FBXL4: variants seen among roughly 807,000 people sequenced by gnomAD.
FBXL4 encodes the protein F-box and leucine rich repeat protein 4, also known as F-box/LRR-repeat protein 4.
In FBXL4, 40 loss-of-function variants were observed where a neutral mutation model predicts 58.9. That is an observed-to-expected ratio of 0.68 (90% CI 0.53 to 0.88). FBXL4 has a LOEUF of 0.88. FBXL4 is among the 40% of genes least tolerant of loss of function. The pLI is 0.00. For missense variants in FBXL4, 676 were observed against 734.4 expected (o/e 0.92, Z 0.92); for synonymous variants, 263 against 265.5 (o/e 0.99, Z 0.09).
intron 7 of FBXL4, among the ~76,000 whole-genome samples, chr6:98,898,108 G>T (rs1014737893): frequency 6.6e-6 from 1 of 151,972 alleles, no homozygotes; most frequent in South Asian, 2.1e-4. Flanking sequence ...AACTAGAAGG[G>T]GTGCTACAGT....
At chr6:98,896,487 G>T (rs1200075252) in intron 7 of FBXL4, among the ~76,000 whole-genome samples, 2 of 152,170 alleles carry the variant, frequency 1.3e-5, no homozygotes, top group East Asian at 1.9e-4. Flanking sequence ...AGAGAGTGAA[G>T]TATAGGTAGA....
chr6:98,878,927 G>C (rs2128377822), intron 8 of FBXL4, among the ~76,000 whole-genome samples: 1 of 152,292 alleles, frequency 6.6e-6, no homozygotes, highest in South Asian at 2.1e-4. Flanking sequence ...ACTATGGAAA[G>C]AATTTGACCA....
At chr6:98,908,751 A>G (rs1166234700) in intron 5 of FBXL4, among the ~76,000 whole-genome samples, 1 of 152,134 alleles carries the variant, frequency 6.6e-6, no homozygotes, top group Non-Finnish European at 1.5e-5. Flanking sequence ...CAACAGAAAC[A>G]TAACACTTTC....
chr6:98,913,709 A>G (rs1409379630), intron 5 of FBXL4, among the ~76,000 whole-genome samples: 2 of 152,252 alleles, frequency 1.3e-5, no homozygotes, highest in Non-Finnish European at 2.9e-5. Flanking sequence ...CACAAGAGAA[A>G]GCAGGAAAGA....
chr6:98,898,782 C>A, intron 7 of FBXL4: 1 of 985,248 alleles, frequency 1.0e-6, no homozygotes, highest in Non-Finnish European at 1.2e-6. Flanking sequence ...GGAAACATGT[C>A]CTAGAGATAT....
intron 1 of FBXL4, among the ~76,000 whole-genome samples, chr6:98,944,913 G>A (rs1022921770): frequency 3.3e-5 from 5 of 152,028 alleles, no homozygotes; most frequent in African/African-American, 4.8e-5. Flanking sequence ...TCTGGCTACC[G>A]TTCCTGTTGT....
chr6:98,932,987 T>A (rs939782526), intron 2 of FBXL4, among the ~76,000 whole-genome samples: 9 of 151,602 alleles, frequency 5.9e-5, no homozygotes, highest in Non-Finnish European at 1.3e-4. Context: ...AATGTGGTAA[T>A]GAATCAAGAA....
rs543467011 is a variant in FBXL4 at position 98,942,998 on chromosome 6, G to A, written c.-309+4808C>T. On this transcript the variant is annotated intron_variant, in intron 1 of 9. Transcript: ENST00000369244. Reference sequence around the variant, plus strand: ...GATGGAACTGTTGTATATTCTGACTGTGGTAGTGTTCACAGGAATCTACAT... The same window carrying A: ...GATGGAACTGTTGTATATTCTGACTATGGTAGTGTTCACAGGAATCTACAT... Among the ~76,000 whole-genome samples the A allele has an allele frequency of 6.0e-4, 91 of 152,240 alleles. 1 individual carries two copies. Among genetic ancestry groups the A allele is most frequent in the African/African-American group, 2.1e-3 (88 of 41,526 alleles).
At chr6:98,910,924 T>C (rs1036081380) in intron 5 of FBXL4, among the ~76,000 whole-genome samples, 5 of 152,090 alleles carry the variant, frequency 3.3e-5, no homozygotes, top group African/African-American at 1.2e-4. Context: ...CCTTTCCTGG[T>C]CAAGGAAAGG....
intron 2 of FBXL4, among the ~76,000 whole-genome samples, chr6:98,928,967 T>A (rs780975859): frequency 6.6e-6 from 1 of 152,206 alleles, no homozygotes; most frequent in Non-Finnish European, 1.5e-5. Flanking sequence ...TTTTATGAGA[T>A]ATATACCTTA....
At chr6:98,907,501 T>C (rs567418427) in intron 5 of FBXL4, among the ~76,000 whole-genome samples, 6 of 152,270 alleles carry the variant, frequency 3.9e-5, no homozygotes, top group South Asian at 4.1e-4. Context: ...ATTCAAGAGA[T>C]TGTTATCTCT....
chr6:98,884,733 C>T (rs1209470061), intron 7 of FBXL4, among the ~76,000 whole-genome samples: 1 of 152,192 alleles, frequency 6.6e-6, no homozygotes, highest in Non-Finnish European at 1.5e-5. Flanking sequence ...ACTCATATCT[C>T]TCTTCATGAA....
At chr6:98,924,557 A>C (rs1431342288) in intron 4 of FBXL4, among the ~76,000 whole-genome samples, 5 of 152,188 alleles carry the variant, frequency 3.3e-5, no homozygotes, top group African/African-American at 1.2e-4. Context: ...ACCCTGTCTC[A>C]AAACAAAACA....
At position 98,940,315 on chromosome 6, in the gene FBXL4, T is replaced by G. The variant is rs544472841; in HGVS notation, c.-308-5436A>C. Among the ~76,000 whole-genome samples the G allele has an allele frequency of 2.0e-5, 3 of 152,344 alleles. No individual in the cohort carries two copies. The East Asian group carries it at 5.8e-4, about 29-fold the overall frequency. ...ATATCTTCACAGTCCAAACCCATGT[T>G]GTTCAAGGGTCAGCTACATTGGTAT... On this transcript the variant is annotated intron_variant, in intron 1 of 9. Transcript: ENST00000369244.
intron 6 of FBXL4, among the ~76,000 whole-genome samples, chr6:98,900,038 T>C (rs1178810921): frequency 2.0e-5 from 3 of 152,204 alleles, no homozygotes; most frequent in Non-Finnish European, 4.4e-5. Context: ...ATTTAGCAGC[T>C]AGATTGCTTG....
In FBXL4 at chr6:98,917,511, T is replaced by G; in HGVS notation, c.721A>C (p.Ile241Leu). The G allele has an allele frequency of 1.2e-6, 2 of 1,614,080 alleles. No individual in the cohort carries two copies. Among genetic ancestry groups the G allele is most frequent in the Non-Finnish European group, 1.7e-6 (2 of 1,179,926 alleles). ...TCATCTTCTATATCATTCATGTCAA[T>G]AAGTGAAGTCTTGAGAGAAAGCACT... ...KPVLSLKTSLIDMNDIEDDAY... is the reference protein window; with the variant it reads ...KPVLSLKTSLLDMNDIEDDAY... The change falls in exon 5 of 10, where the codon ATT (isoleucine) becomes CTT (leucine). Residue 241 changes from isoleucine to leucine, a missense_variant. Ile to Leu is a conservative substitution (Grantham distance 5, BLOSUM62 2). Transcript: ENST00000369244.
intron 7 of FBXL4, chr6:98,898,821 A>G (rs993026659): frequency 4.7e-5 from 46 of 985,228 alleles, no homozygotes; most frequent in Middle Eastern, 1.0e-3. Flanking sequence ...ACTAATATAT[A>G]TGACATGATT....
At chr6:98,931,337 TGTTAAA>T (rs1439199659) in intron 2 of FBXL4, among the ~76,000 whole-genome samples, 3 of 152,324 alleles carry the variant, frequency 2.0e-5, no homozygotes, top group South Asian at 2.1e-4. Context: ...GTTTAAGCTG[TGTTAAA>T]GTTAAGCAAA....
At position 98,907,152 on chromosome 6, in the gene FBXL4, C is replaced by CA. The variant is rs1188556504; in HGVS notation, c.859-1483dup. On this transcript the variant is annotated intron_variant, in intron 5 of 9. Coordinates refer to ENST00000369244, the MANE Select transcript of FBXL4 (RefSeq NM_001278716.2). ...CTCTGATGATAGTTTTTTGCTGGAA[C>CA]ATTCAGCTTCAAAGAGTCAGGGGCA... Among the ~76,000 whole-genome samples the CA allele has an allele frequency of 2.0e-5, 3 of 152,156 alleles. No individual in the cohort carries two copies. In the South Asian group the frequency reaches 6.2e-4, roughly 32 times the overall value.
Sources: allele counts gnomAD v4.1 joint callset (sites outside exome capture counted in the v4.1 genomes callset), GRCh38; gene constraint gnomAD v4.1.1; transcripts MANE v1.5; gene names NCBI Gene and HGNC (gene_info 2026-07-23, HGNC 2026-07-21).